Variants in SEC24A observed in about 807,000 individuals in gnomAD.
SEC24A encodes the protein protein transport protein Sec24A.
SEC24A carries 93 observed loss-of-function variants against 129.4 expected under a neutral mutation model. The ratio of observed to expected loss-of-function variants is 0.72; its 90% CI spans 0.61 to 0.85. The LOEUF (loss-of-function observed/expected upper bound fraction) is 0.85. SEC24A is among the 40% of genes least tolerant of loss of function. The pLI, the probability that SEC24A is intolerant of heterozygous loss-of-function variation, is 0.00. For synonymous variants in SEC24A, 460 were observed against 467.3 expected, an observed-to-expected ratio of 0.98 and a Z score of 0.20; for missense variants, 1,264 against 1,307.4, an observed-to-expected ratio of 0.97 and a Z score of 0.51.
At chr5:134,718,033 T>C (rs202191966) in intron 19 of SEC24A, 36 bp from the exon 20 acceptor site, 59 of 1,500,650 alleles carry the variant, frequency 3.9e-5, no homozygotes, top group Non-Finnish European at 5.5e-5. Context: ...ATATTTCCTA[T>C]ATTTAAAACC....
chr5:134,676,832 G>C (rs1751084097), intron 7 of SEC24A, among the ~76,000 whole-genome samples: 1 of 152,094 alleles, frequency 6.6e-6, no homozygotes, highest in South Asian at 2.1e-4. Flanking sequence ...TGTTTGATCT[G>C]TCTTTAGGAA....
At chr5:134,667,729 C>G (rs1187772075) in intron 3 of SEC24A, among the ~76,000 whole-genome samples, 1 of 148,642 alleles carries the variant, frequency 6.7e-6, no homozygotes, top group Non-Finnish European at 1.5e-5. Flanking sequence ...TTAACACATA[C>G]TTATGAAACT....
intron 16 of SEC24A, 120 bp downstream of exon 16, chr5:134,704,052 TTTTATTTATTTATTTA>T (rs58595047): frequency 2.6e-5 from 10 of 381,188 alleles, no homozygotes; most frequent in South Asian, 6.7e-5. Flanking sequence ...AAATTGCTGT[TTTTATTTATTTATTTA>T]TTTATTTATT....
chr5:134,684,821 C>T (rs2150090199), intron 9 of SEC24A, among the ~76,000 whole-genome samples: 1 of 152,266 alleles, frequency 6.6e-6, no homozygotes, highest in Middle Eastern at 3.4e-3. Flanking sequence ...AAACCAGAAG[C>T]ACTTGTTCTT....
At chr5:134,693,255 C>CT (rs1204648200) in intron 12 of SEC24A, 13 of 1,457,272 alleles carry the variant, frequency 8.9e-6, no homozygotes, top group African/African-American at 2.8e-5. Flanking sequence ...CCCATTAACT[C>CT]TATTTGTACA....
chr5:134,712,809 G>A (rs1430950591), intron 18 of SEC24A, among the ~76,000 whole-genome samples: 4 of 149,884 alleles, frequency 2.7e-5, no homozygotes, highest in South Asian at 2.1e-4. Context: ...TAGTAGAGAC[G>A]GGGTTTCACC....
intron 10 of SEC24A, 70 bp from the exon 11 acceptor site, chr5:134,688,111 T>C (rs745761907): frequency 1.1e-4 from 96 of 872,476 alleles, no homozygotes; most frequent in Non-Finnish European, 1.9e-4. Context: ...ATGTAACTCT[T>C]AGGACATATT....
intron 16 of SEC24A, among the ~76,000 whole-genome samples, chr5:134,705,070 T>TATATATATATATTTATATATATATATATA (rs1561827960): frequency 7.5e-6 from 1 of 133,334 alleles, no homozygotes; most frequent in Non-Finnish European, 1.6e-5. Context: ...ATATTTATAT[T>TATATATATATATTTATATATATATATATA]TATATATATA....
chr5:134,649,513 G>T (rs1326165294), intron 1 of SEC24A, among the ~76,000 whole-genome samples: 1 of 152,120 alleles, frequency 6.6e-6, no homozygotes, highest in Admixed American at 6.6e-5. Context: ...CCTCACCCCA[G>T]TCTCCTAGAG....
At chr5:134,654,560 G>A (rs903797168) in intron 1 of SEC24A, among the ~76,000 whole-genome samples, 4 of 151,824 alleles carry the variant, frequency 2.6e-5, no homozygotes, top group Non-Finnish European at 5.9e-5. Flanking sequence ...TATTTCCTTT[G>A]CAAAAATTGA....
Position 134,708,720 on chromosome 5 carries a change from C to G in SEC24A, c.2559C>G (p.Asp853Glu), listed in dbSNP as rs745550807. 2 of 1,611,858 alleles carry G rather than the reference C, an allele frequency of 1.2e-6. No individual in the cohort carries two copies. Among genetic ancestry groups the G allele is most frequent in the East Asian group, 4.5e-5 (2 of 44,872 alleles). The part of the protein sequence containing the change: ...ISGLLANMAV[D>E]RSMTASLSDA... ...TACCCTCACCTTGCTTAGCTGTTGA[C>G]AGATCTATGACTGCCAGTCTGAGTG... Residue 853 changes from aspartate to glutamate, a missense_variant, in exon 18 of 23, where the codon GAC becomes GAG. Transcript: ENST00000398844.
intron 22 of SEC24A, 124 bp downstream of exon 22, chr5:134,723,794 C>T: frequency 1.6e-6 from 1 of 619,920 alleles, no homozygotes. Flanking sequence ...AGCAGTAAAT[C>T]ATACCTTATA....
At chr5:134,705,117 T>C (rs1461071927) in intron 16 of SEC24A, among the ~76,000 whole-genome samples, 1 of 148,434 alleles carries the variant, frequency 6.7e-6, no homozygotes, top group African/African-American at 2.5e-5. Context: ...TAATTTATTT[T>C]TTTTTAAGAG....
intron 2 of SEC24A, among the ~76,000 whole-genome samples, chr5:134,666,519 C>G (rs1041294432): frequency 6.6e-6 from 1 of 151,162 alleles, no homozygotes; most frequent in Admixed American, 6.6e-5. Context: ...ATAGCGCTAT[C>G]GCATTCCAGC....
chr5:134,689,161 A>G (rs1751549606), intron 11 of SEC24A, among the ~76,000 whole-genome samples: 1 of 152,230 alleles, frequency 6.6e-6, no homozygotes, highest in Non-Finnish European at 1.5e-5. Flanking sequence ...CTATAAGTAT[A>G]AAACAGGGGC....
In SEC24A at chr5:134,705,495, A is replaced by G. The variant is rs1580730892; in HGVS notation, c.2551+58A>G. The G allele has an allele frequency of 1.4e-5, 16 of 1,148,612 alleles. No homozygotes were observed. In the East Asian group the frequency reaches 4.0e-4, roughly 29 times the overall value. 71.2% of individuals were successfully genotyped at this position (1,148,612 alleles called of 1,614,324 possible). A position where few individuals can be genotyped will look rare whatever the true frequency, so the allele number is the denominator to read the frequency against. On this transcript the variant is annotated intron_variant, in intron 17 of 22. Coordinates refer to ENST00000398844, the MANE Select transcript of SEC24A (RefSeq NM_021982.3). ...AAGTAATAACATTAGGCACATCCAAACAGTTTTGTTTTCCTTTAAATAGTT... is the reference window on the plus strand; with the variant it reads ...AAGTAATAACATTAGGCACATCCAAGCAGTTTTGTTTTCCTTTAAATAGTT...
chr5:134,654,091 TA>T lies in SEC24A; in HGVS notation c.97+4920del, dbSNP rs540448554. 1.3e-3 allele frequency among the ~76,000 whole-genome samples: 202 copies of T among 151,610 alleles called. 1 individual carries two copies. The highest frequency in any genetic ancestry group is 4.7e-3 in the African/African-American group (195 of 41,344). On this transcript the variant is annotated intron_variant, in intron 1 of 22. Transcript: ENST00000398844. ...GGAGGATCACCTGTGTCCAGGAGGTTAAGGCTGCAATGAGCCATGATCATGC... is the reference window on the plus strand; with the variant it reads ...GGAGGATCACCTGTGTCCAGGAGGTTAGGCTGCAATGAGCCATGATCATGC...
At chr5:134,687,012 C>A in intron 10 of SEC24A, 110 bp downstream of exon 10, 1 of 533,078 alleles carries the variant, frequency 1.9e-6, no homozygotes, top group Non-Finnish European at 3.2e-6. Context: ...TAAAACTCCA[C>A]CCAAATCAGT....
intron 12 of SEC24A, 185 bp from the exon 13 acceptor site, chr5:134,693,542 C>T (rs1246277328): frequency 7.0e-7 from 1 of 1,427,818 alleles, no homozygotes; most frequent in Admixed American, 2.9e-5. Context: ...ATTTGTCTTG[C>T]TTGCCAATTT....
Sources: gnomAD v4.1 joint callset for allele counts (sites outside exome capture counted in the v4.1 genomes callset) on GRCh38, gnomAD v4.1.1 for gene constraint, MANE v1.5 for transcripts, NCBI Gene and HGNC (gene_info 2026-07-23, HGNC 2026-07-21) for gene names.